The following CCDC186 variants were observed in gnomAD, a reference collection of about 807,000 sequenced individuals.
CCDC186 encodes coiled-coil domain-containing protein 186.
CCDC186 carries 49 observed loss-of-function variants against 113.7 expected under a neutral mutation model. The observed-to-expected ratio is 0.43, with a 90% CI of 0.34 to 0.55. The LOEUF (loss-of-function observed/expected upper bound fraction) is 0.55, where lower values mean the gene tolerates loss of function less well. Ranked by LOEUF, CCDC186 falls within the 20% of genes least tolerant of loss-of-function variation. The pLI, the probability that CCDC186 is intolerant of heterozygous loss-of-function variation, is 0.02. For synonymous variants in CCDC186, 355 were observed against 345.8 expected, an observed-to-expected ratio of 1.03 and a Z score of -0.30; for missense variants, 890 against 1,011.1, an observed-to-expected ratio of 0.88 and a Z score of 1.62.
chr10:114,144,663 T>A, intron 5 of CCDC186, 47 bp from the exon 6 acceptor site: 1 of 1,493,672 alleles, frequency 6.7e-7, no homozygotes, highest in Non-Finnish European at 9.1e-7. Flanking sequence ...TAGAATCAAT[T>A]AATTATATCT....
intron 5 of CCDC186, 115 bp from the exon 6 acceptor site, chr10:114,144,731 T>C (rs2031583209): frequency 1.2e-5 from 10 of 868,196 alleles, no homozygotes; most frequent in Non-Finnish European, 1.7e-5. Flanking sequence ...GCTGGCACAC[T>C]ATAGCCCACA....
In CCDC186 at chr10:114,121,509, G is replaced by A. The variant is rs1370543601; in HGVS notation, c.*3634C>T. On this transcript the variant is annotated 3_prime_UTR_variant, in exon 16 of 16. Transcript: ENST00000369287. ...GATTAATCTTTATGAGCACCAAATAGGCATTAATAATTTAATGGTAAAAAA... is the reference window on the plus strand; with the variant it reads ...GATTAATCTTTATGAGCACCAAATAAGCATTAATAATTTAATGGTAAAAAA... 1.3e-5 allele frequency: 2 copies of A among 152,058 alleles called. No homozygotes were observed. Among genetic ancestry groups the A allele is most frequent in the African/African-American group, 4.8e-5 (2 of 41,380 alleles). 9.4% of individuals were successfully genotyped at this position (152,058 alleles called of 1,614,324 possible). A position where few individuals can be genotyped will look rare whatever the true frequency, so the allele number is the denominator to read the frequency against.
intron 2 of CCDC186, 66 bp from the exon 3 acceptor site, chr10:114,157,746 T>C (rs1436358193): frequency 3.1e-6 from 4 of 1,288,952 alleles, no homozygotes; most frequent in Non-Finnish European, 3.2e-6. Flanking sequence ...ATATGTGGAA[T>C]ATAATTTCTT....
At chr10:114,146,541 A>C (rs192361830) in intron 4 of CCDC186, among the ~76,000 whole-genome samples, 1 of 152,230 alleles carries the variant, frequency 6.6e-6, no homozygotes, top group African/African-American at 2.4e-5. Context: ...TTTACACTTA[A>C]TAAGAAATAC....
chr10:114,139,507 G>A (rs1349031284), intron 6 of CCDC186, among the ~76,000 whole-genome samples: 1 of 149,526 alleles, frequency 6.7e-6, no homozygotes, highest in African/African-American at 2.5e-5. Flanking sequence ...AGGTTGCAGT[G>A]AGCCAAGATC....
chr10:114,130,878 T>C, intron 12 of CCDC186: 1 of 298,336 alleles, frequency 3.4e-6, no homozygotes, highest in Non-Finnish European at 6.1e-6. Flanking sequence ...CAGGAGTATG[T>C]GATCAAAAGT....
intron 6 of CCDC186, among the ~76,000 whole-genome samples, chr10:114,138,666 C>A (rs1332143362): frequency 3.3e-5 from 5 of 152,128 alleles, no homozygotes; most frequent in East Asian, 1.9e-4. Flanking sequence ...TCTTCTTCTT[C>A]TTATTCTTTA....
At chr10:114,158,757 A>G (rs1017940049) in intron 2 of CCDC186, among the ~76,000 whole-genome samples, 3 of 152,196 alleles carry the variant, frequency 2.0e-5, no homozygotes, top group Admixed American at 6.5e-5. Context: ...GACTTGTTCC[A>G]GGTCACACAG....
At chr10:114,134,548 C>T (rs1257394960) in intron 10 of CCDC186, among the ~76,000 whole-genome samples, 2 of 152,170 alleles carry the variant, frequency 1.3e-5, no homozygotes, top group African/African-American at 4.8e-5. Flanking sequence ...GGAATAATGT[C>T]AGCTCCGGAT....
chr10:114,144,666 TTA>T, intron 5 of CCDC186, 50 bp from the exon 6 acceptor site: 1 of 1,447,918 alleles, frequency 6.9e-7, no homozygotes, highest in Non-Finnish European at 9.4e-7. Context: ...AATCAATTAA[TTA>T]TATCTTTTAT....
At chr10:114,172,172 C>T (rs1397708919) in intron 1 of CCDC186, among the ~76,000 whole-genome samples, 1 of 152,180 alleles carries the variant, frequency 6.6e-6, no homozygotes, top group African/African-American at 2.4e-5. Context: ...CTTACTTTAA[C>T]ACGAAACTGT....
chr10:114,134,306 G>C (rs1422685129), intron 10 of CCDC186, among the ~76,000 whole-genome samples: 2 of 152,208 alleles, frequency 1.3e-5, no homozygotes, highest in Non-Finnish European at 1.5e-5. Flanking sequence ...GAGAACCTCT[G>C]ACCAAAGACA....
At position 114,122,205 on chromosome 10, in the gene CCDC186, C is replaced by A. The variant is rs570705666; in HGVS notation, c.*2938G>T. 6 of 152,108 alleles carry A rather than the reference C, an allele frequency of 3.9e-5. No individual in the cohort carries two copies. The South Asian group carries it at 1.2e-3, about 32-fold the overall frequency. 9.4% of individuals were successfully genotyped at this position (152,108 alleles called of 1,614,324 possible). A position where few individuals can be genotyped will look rare whatever the true frequency, so the allele number is the denominator to read the frequency against. ...TACAATACCCTGTATGGTGCCAATA[C>A]AATAGTATAGGTTTTCAATAAATGT... On this transcript the variant is annotated 3_prime_UTR_variant, in exon 16 of 16. Coordinates refer to ENST00000369287, the MANE Select transcript of CCDC186 (RefSeq NM_018017.4).
chr10:114,163,169 C>T lies in CCDC186; in HGVS notation c.100G>A (p.Glu34Lys), dbSNP rs2032230817. ...GACTCATTTTCTAATTTGCTGCTTTCATTGCCAGAAAACAAGTTGCATGAG... is the reference window on the plus strand; with the variant it reads ...GACTCATTTTCTAATTTGCTGCTTTTATTGCCAGAAAACAAGTTGCATGAG... ...EDSCNLFSGN[E>K]SSKLENESKL... The change falls in exon 2 of 16, where the codon GAA becomes AAA. Residue 34 changes from glutamate (E) to lysine (K), a missense_variant. Physicochemically the swap from Glu to Lys is moderately conservative, Grantham distance 56 (BLOSUM62 1). Transcript: ENST00000369287. 6.2e-7 allele frequency: 1 copy of T among 1,613,840 alleles called. No homozygotes were observed. The highest frequency in any genetic ancestry group is 1.3e-5 in the African/African-American group (1 of 74,916).
intron 6 of CCDC186, among the ~76,000 whole-genome samples, chr10:114,139,612 T>A (rs533824438): frequency 1.3e-5 from 2 of 151,892 alleles, no homozygotes; most frequent in East Asian, 3.9e-4. Flanking sequence ...GTTTCTTACA[T>A]GTCATTAAAA....
intron 13 of CCDC186, among the ~76,000 whole-genome samples, chr10:114,128,361 T>C (rs1454611853): frequency 6.6e-6 from 1 of 152,236 alleles, no homozygotes; most frequent in African/African-American, 2.4e-5. Context: ...TTATCCAAAG[T>C]TATATAATGA....
chr10:114,130,204 T>C (rs972512019), intron 12 of CCDC186: 3 of 312,318 alleles, frequency 9.6e-6, no homozygotes, highest in African/African-American at 2.2e-5. Context: ...CATCACTTAA[T>C]TACAGTGGAG....
intron 1 of CCDC186, among the ~76,000 whole-genome samples, chr10:114,172,873 C>T (rs755843429): frequency 5.3e-5 from 8 of 152,306 alleles, no homozygotes; most frequent in Non-Finnish European, 8.8e-5. Context: ...GTTTCACTAT[C>T]AATCTCTCTT....
At chr10:114,155,334 G>C (rs2119816966) in intron 3 of CCDC186, among the ~76,000 whole-genome samples, 1 of 152,296 alleles carries the variant, frequency 6.6e-6, no homozygotes, top group East Asian at 1.9e-4. Context: ...AGCAATAGAA[G>C]TACAAGCCAC....
Sources: gnomAD v4.1 joint callset for allele counts (sites outside exome capture counted in the v4.1 genomes callset) on GRCh38, gnomAD v4.1.1 for gene constraint, MANE v1.5 for transcripts, NCBI Gene and HGNC (gene_info 2026-07-23, HGNC 2026-07-21) for gene names.